The following FLNB variants were observed in gnomAD, a reference collection of about 807,000 sequenced individuals.
FLNB encodes filamin B.
FLNB carries 111 observed loss-of-function variants against 250.6 expected under a neutral mutation model. That is an observed-to-expected ratio of 0.44 (90% CI 0.38 to 0.52). The LOEUF is 0.52. FLNB is among the 20% of genes least tolerant of loss of function. The pLI is 0.00. For missense variants in FLNB, 2,869 were observed against 3,447.8 expected, an observed-to-expected ratio of 0.83 and a Z score of 4.20; for synonymous variants, 1,302 against 1,372.1, an observed-to-expected ratio of 0.95 and a Z score of 1.13.
At chr3:58,060,788 A>G (rs1283678858) in intron 1 of FLNB, among the ~76,000 whole-genome samples, 2 of 106,840 alleles carry the variant, frequency 1.9e-5, no homozygotes, top group Non-Finnish European at 3.5e-5. Flanking sequence ...AAAAAAAAAA[A>G]AAAAAAAAAA....
At chr3:58,061,186 G>T (rs1346643264) in intron 1 of FLNB, among the ~76,000 whole-genome samples, 2 of 152,164 alleles carry the variant, frequency 1.3e-5, no homozygotes, top group African/African-American at 4.8e-5. Flanking sequence ...CATGGTCTGG[G>T]AACAGTTTTT....
At position 58,038,580 on chromosome 3, in the gene FLNB, A is replaced by T. The variant is rs527527863; in HGVS notation, c.292+29724A>T. On this transcript the variant is annotated intron_variant, in intron 1 of 45. Coordinates refer to ENST00000295956, the MANE Select transcript of FLNB (RefSeq NM_001457.4). ...CTGGGACTACTAGGCATGCTCCACCATGCCCAGTTAATTAATTTTTTTTTT... is the reference window on the plus strand; with the variant it reads ...CTGGGACTACTAGGCATGCTCCACCTTGCCCAGTTAATTAATTTTTTTTTT... 1.6e-4 allele frequency among the ~76,000 whole-genome samples: 24 copies of T among 150,550 alleles called. No individual in the cohort carries two copies. In the South Asian group the frequency reaches 4.8e-3, roughly 30 times the overall value.
intron 2 of FLNB, 139 bp downstream of exon 2, chr3:58,077,433 T>C: frequency 8.9e-7 from 1 of 1,124,508 alleles, no homozygotes; most frequent in Non-Finnish European, 1.3e-6. Context: ...AAGCCCATTA[T>C]AAGGAAACTA....
At chr3:58,146,086 G>C (rs2097335423) in intron 33 of FLNB, 37 bp downstream of exon 33, 2 of 1,613,434 alleles carry the variant, frequency 1.2e-6, no homozygotes. Flanking sequence ...GCCTCCAGCT[G>C]TCCATTTGGA....
intron 1 of FLNB, among the ~76,000 whole-genome samples, chr3:58,051,235 C>T (rs732526): frequency 0.45 from 68,298 of 152,058 alleles, 16,506 homozygotes; most frequent in African/African-American, 0.63. Flanking sequence ...TGGCTATTCT[C>T]TTTTACAGAA....
Position 58,130,828 on chromosome 3 carries a change from C to T in FLNB, c.4310C>T (p.Ala1437Val), listed in dbSNP as rs2097306139. The change falls in exon 25 of 46, where the codon GCC (alanine) becomes GTC (valine). Residue 1437 changes from alanine (A) to valine (V), a missense_variant. By Grantham distance (64) the Ala-to-Val change is moderately conservative. Around this residue, in one of 5 missense-constraint regions of FLNB, gnomAD observed 1,348 missense variants for 1,466.7 expected, o/e 0.92. Transcript: ENST00000295956. The part of the protein sequence containing the change: ...AGPGLGSGVR[A>V]RVLQSFTVDS... ...CCCGGGCTGGGCTCAGGCGTCCGAGCCCGTGTCCTGCAGTCCTTCACGGTG... is the reference window on the plus strand; with the variant it reads ...CCCGGGCTGGGCTCAGGCGTCCGAGTCCGTGTCCTGCAGTCCTTCACGGTG... 1.9e-6 allele frequency: 3 copies of T among 1,613,566 alleles called. No individual in the cohort carries two copies. Among genetic ancestry groups the T allele is most frequent in the South Asian group, 2.2e-5 (2 of 90,940 alleles).
chr3:58,094,106 A>G lies in FLNB; in HGVS notation c.788-730A>G, dbSNP rs1004524334. On this transcript the variant is annotated intron_variant, in intron 4 of 45. Coordinates refer to ENST00000295956, the MANE Select transcript of FLNB (RefSeq NM_001457.4). ...TTACCGTGTTACCACTGGGGAAACT[A>G]TTTTGAGATGGAGTCATGCTCTGCC... is the stretch of plus-strand genomic sequence containing the variant. Among the ~76,000 whole-genome samples, 8 of 152,188 alleles carry G rather than the reference A, an allele frequency of 5.3e-5. No individual in the cohort carries two copies. In the East Asian group the frequency reaches 7.7e-4, roughly 15 times the overall value.
intron 2 of FLNB, among the ~76,000 whole-genome samples, chr3:58,077,979 G>A (rs531150190): frequency 3.5e-4 from 53 of 151,654 alleles, no homozygotes; most frequent in Admixed American, 2.8e-3. Context: ...AAAAAAAAAA[G>A]GTATTAATCA....
chr3:58,121,148 C>T (rs1240965739), intron 19 of FLNB, 93 bp from the exon 20 acceptor site: 6 of 1,533,642 alleles, frequency 3.9e-6, no homozygotes, highest in Non-Finnish European at 5.4e-6. Flanking sequence ...GAGATAAGTC[C>T]CCGTGTCCAA....
intron 1 of FLNB, among the ~76,000 whole-genome samples, chr3:58,052,224 T>A (rs1022928417): frequency 1.3e-5 from 2 of 152,152 alleles, no homozygotes; most frequent in South Asian, 2.1e-4. Flanking sequence ...TGGAATACAA[T>A]TCGGATTGAT....
intron 1 of FLNB, among the ~76,000 whole-genome samples, chr3:58,069,139 T>TA (rs966824772): frequency 0.033 from 4,374 of 134,482 alleles, 240 homozygotes; most frequent in African/African-American, 0.11. Flanking sequence ...ACCCTGTCTT[T>TA]AAAAAAAAAA....
intron 1 of FLNB, among the ~76,000 whole-genome samples, chr3:58,053,206 G>A (rs1471351833): frequency 2.0e-5 from 3 of 152,122 alleles, no homozygotes; most frequent in African/African-American, 7.2e-5. Context: ...GTGATAAACA[G>A]GTTTTTAGGT....
rs1559698385 is a variant in FLNB at position 58,108,472 on chromosome 3, G to T, written c.1956G>T (p.Gly652=). 1.2e-6 allele frequency: 2 copies of T among 1,612,904 alleles called. No homozygotes were observed. Among genetic ancestry groups the T allele is most frequent in the Non-Finnish European group, 1.7e-6 (2 of 1,178,874 alleles). ...CTTTGCTTCAGGTTCGAGCATACGG[G>T]CCAGGTTTGGAGAAATCTGGATGCA... ...GYNPDLVRAY[G]PGLEKSGCIV... Residue 652 remains glycine, a synonymous_variant, in exon 13 of 46, where the codon GGG becomes GGT. Transcript: ENST00000295956.
intron 30 of FLNB, 39 bp downstream of exon 30, chr3:58,141,968 T>G (rs1403884064): frequency 3.9e-6 from 6 of 1,554,582 alleles, no homozygotes; most frequent in Non-Finnish European, 4.4e-6. Context: ...TTTCTGTGTT[T>G]ACTCAGCCTT....
chr3:58,103,519 G>T (rs557237084), intron 9 of FLNB, among the ~76,000 whole-genome samples: 1 of 152,196 alleles, frequency 6.6e-6, no homozygotes, highest in Non-Finnish European at 1.5e-5. Flanking sequence ...GCTTTAGATG[G>T]AAAAGTATAC....
At chr3:58,050,012 A>G in intron 1 of FLNB, among the ~76,000 whole-genome samples, 1 of 148,552 alleles carries the variant, frequency 6.7e-6, no homozygotes, top group African/African-American at 2.5e-5. Flanking sequence ...TGGAAGAAAT[A>G]GAAAATGCCT....
intron 1 of FLNB, among the ~76,000 whole-genome samples, chr3:58,074,258 C>G (rs537449791): frequency 6.6e-6 from 1 of 152,172 alleles, no homozygotes; most frequent in South Asian, 2.1e-4. Flanking sequence ...ACTTTAAAAG[C>G]GAGCCCAGCA....
At chr3:58,039,724 T>G (rs9856128) in intron 1 of FLNB, among the ~76,000 whole-genome samples, 10,665 of 152,290 alleles carry the variant, frequency 0.07, 403 homozygotes, top group African/African-American at 0.086. Context: ...AGGACACCAT[T>G]CACTTTATTG....
At chr3:58,133,091 C>T (rs1280551419) in intron 26 of FLNB, among the ~76,000 whole-genome samples, 160 bp downstream of exon 26, 1 of 151,996 alleles carries the variant, frequency 6.6e-6, no homozygotes, top group African/African-American at 2.4e-5. Flanking sequence ...ATTCCTCCAT[C>T]AGTCCATCCA....
Sources: gnomAD v4.1 joint callset for allele counts (sites outside exome capture counted in the v4.1 genomes callset) on GRCh38, gnomAD v4.1.1 for gene constraint, gnomAD v4.1.1 regional missense constraint, MANE v1.5 for transcripts, NCBI Gene and HGNC (gene_info 2026-07-23, HGNC 2026-07-21) for gene names.